Variants in L3MBTL4 observed in about 807,000 individuals in gnomAD.
L3MBTL4 encodes the protein lethal(3)malignant brain tumor-like protein 4.
In L3MBTL4, 70 loss-of-function variants were observed where a neutral mutation model predicts 84.5. The observed-to-expected ratio is 0.83, with a 90% CI of 0.68 to 1.01. The LOEUF is 1.01. Ranked by LOEUF, L3MBTL4 falls within the 50% of genes least tolerant of loss-of-function variation. L3MBTL4 has a pLI of 0.00. For missense variants in L3MBTL4, 715 were observed against 754.8 expected, an observed-to-expected ratio of 0.95 and a Z score of 0.62; for synonymous variants, 274 against 259.8, an observed-to-expected ratio of 1.05 and a Z score of -0.52.
At chr18:6,225,738 TA>T (rs772917830) in intron 10 of L3MBTL4, among the ~76,000 whole-genome samples, 1,228 of 117,386 alleles carry the variant, frequency 0.01, 12 homozygotes, top group East Asian at 0.014. Context: ...CCAGCCTATC[TA>T]AAAAAAAAAA....
At chr18:6,253,221 CA>C (rs1410863344) in intron 5 of L3MBTL4, among the ~76,000 whole-genome samples, 1 of 146,054 alleles carries the variant, frequency 6.8e-6, no homozygotes, top group Non-Finnish European at 1.5e-5. Flanking sequence ...AACAAACAAA[CA>C]AAAAACCCTA....
intron 1 of L3MBTL4, chr18:6,395,550 AC>A (rs1473069338): frequency 1.3e-5 from 2 of 152,154 alleles, no homozygotes; most frequent in Admixed American, 1.3e-4. Context: ...TAAATACCCA[AC>A]TTACTGTTCT....
intron 1 of L3MBTL4, among the ~76,000 whole-genome samples, chr18:6,316,863 G>A (rs2051131195): frequency 6.6e-6 from 1 of 152,040 alleles, no homozygotes; most frequent in Non-Finnish European, 1.5e-5. Context: ...CCTCTGTCAG[G>A]GCTGGGACAT....
chr18:6,089,103 G>T (rs919160664), intron 15 of L3MBTL4, among the ~76,000 whole-genome samples: 2 of 151,982 alleles, frequency 1.3e-5, no homozygotes, highest in African/African-American at 2.4e-5. Flanking sequence ...GAACACTTAG[G>T]CAGGTAAAAA....
chr18:6,191,857 G>A (rs1314404474), intron 12 of L3MBTL4, among the ~76,000 whole-genome samples: 2 of 152,022 alleles, frequency 1.3e-5, no homozygotes, highest in Non-Finnish European at 2.9e-5. Context: ...GGGTGTGGTG[G>A]CACGCACCTA....
At chr18:6,344,607 T>C (rs999516779) in intron 1 of L3MBTL4, among the ~76,000 whole-genome samples, 3 of 152,130 alleles carry the variant, frequency 2.0e-5, no homozygotes, top group Admixed American at 6.5e-5. Context: ...TACAAGGTAA[T>C]ATCCCTGATG....
intron 15 of L3MBTL4, among the ~76,000 whole-genome samples, chr18:6,091,541 G>T (rs1281425858): frequency 6.6e-6 from 1 of 152,108 alleles, no homozygotes; most frequent in African/African-American, 2.4e-5. Flanking sequence ...TAACATTCTC[G>T]ACTCCTTCTA....
chr18:6,152,331 C>A (rs936605710), intron 13 of L3MBTL4, among the ~76,000 whole-genome samples: 11 of 151,912 alleles, frequency 7.2e-5, no homozygotes, highest in Non-Finnish European at 1.5e-4. Context: ...ACAGCTATAC[C>A]AATTTATATT....
chr18:6,259,960 T>C (rs1183636898), intron 5 of L3MBTL4: 2 of 152,238 alleles, frequency 1.3e-5, no homozygotes, highest in African/African-American at 4.8e-5. Context: ...GATTTAGTTT[T>C]TGTATATGGT....
At chr18:6,368,009 T>G (rs1011955657) in intron 1 of L3MBTL4, among the ~76,000 whole-genome samples, 2 of 152,058 alleles carry the variant, frequency 1.3e-5, no homozygotes, top group Non-Finnish European at 2.9e-5. Flanking sequence ...AAGATGTGGC[T>G]GAACACACCT....
chr18:6,177,774 G>C (rs1473987698), intron 12 of L3MBTL4, among the ~76,000 whole-genome samples: 1 of 152,198 alleles, frequency 6.6e-6, no homozygotes, highest in Non-Finnish European at 1.5e-5. Flanking sequence ...TATTCAAGGT[G>C]TGAACAGGCA....
chr18:6,314,496 T>G (rs2146973067), intron 1 of L3MBTL4, among the ~76,000 whole-genome samples: 1 of 152,272 alleles, frequency 6.6e-6, no homozygotes, highest in African/African-American at 2.4e-5. Flanking sequence ...CAACGTGATG[T>G]TCAGTGATTT....
chr18:6,259,119 G>T (rs1181712952), intron 5 of L3MBTL4: 1 of 152,228 alleles, frequency 6.6e-6, no homozygotes, highest in Non-Finnish European at 1.5e-5. Flanking sequence ...GGAATGACGT[G>T]TTGAGCTCTT....
At chr18:6,209,731 AAAC>A (rs2046026328) in intron 12 of L3MBTL4, among the ~76,000 whole-genome samples, 2 of 152,246 alleles carry the variant, frequency 1.3e-5, no homozygotes, top group South Asian at 4.1e-4. Flanking sequence ...AGCCCAAAAT[AAAC>A]AACCCAAATG....
chr18:6,413,809 C>T (rs1170169201), intron 1 of L3MBTL4, among the ~76,000 whole-genome samples: 2 of 152,220 alleles, frequency 1.3e-5, no homozygotes, highest in Non-Finnish European at 2.9e-5. Context: ...GCAGTCTCAA[C>T]AGTAACAATG....
At chr18:5,964,363 G>C (rs1347219913) in intron 17 of L3MBTL4, among the ~76,000 whole-genome samples, 1 of 152,148 alleles carries the variant, frequency 6.6e-6, no homozygotes, top group East Asian at 1.9e-4. Flanking sequence ...TCTTCCGTGG[G>C]GCTGCCGCTG....
intron 16 of L3MBTL4, among the ~76,000 whole-genome samples, chr18:6,016,354 C>A (rs1354019387): frequency 2.0e-5 from 3 of 152,198 alleles, no homozygotes; most frequent in Non-Finnish European, 2.9e-5. Flanking sequence ...CACCATTTGG[C>A]TCTGATCTGT....
At chr18:6,407,165 C>G (rs1230124845) in intron 1 of L3MBTL4, among the ~76,000 whole-genome samples, 1 of 152,152 alleles carries the variant, frequency 6.6e-6, no homozygotes, top group East Asian at 1.9e-4. Context: ...AATAAAGTGG[C>G]CCTAAAGATT....
In L3MBTL4 at chr18:5,956,282, A is replaced by C; in HGVS notation, c.1783T>G (p.Phe595Val). The change falls in exon 19 of 19, where the codon TTC becomes GTC. Residue 595 changes from phenylalanine (F) to valine (V), a missense_variant. Coordinates refer to ENST00000317931, the MANE Select transcript of L3MBTL4 (RefSeq NM_001330559.2). Reference sequence around the variant, plus strand: ...TCAGGGAGTTCCTGGGAATGCCTGAACATCAGGATAGAGTTGTAAATCTTC... The same window carrying C: ...TCAGGGAGTTCCTGGGAATGCCTGACCATCAGGATAGAGTTGTAAATCTTC... ...ALKIYNSILM[F>V]RHSQELPEED... 6.2e-7 allele frequency: 1 copy of C among 1,614,092 alleles called. No homozygotes were observed. Among genetic ancestry groups the C allele is most frequent in the Non-Finnish European group, 8.5e-7 (1 of 1,179,956 alleles).
Sources: gnomAD v4.1 joint callset for allele counts (sites outside exome capture counted in the v4.1 genomes callset) on GRCh38, gnomAD v4.1.1 for gene constraint, MANE v1.5 for transcripts, NCBI Gene and HGNC (gene_info 2026-07-23, HGNC 2026-07-21) for gene names.